The following COLGALT2 variants were observed in gnomAD, a reference collection of about 807,000 sequenced individuals.
COLGALT2 encodes the protein collagen beta(1-O)galactosyltransferase 2, also known as procollagen galactosyltransferase 2.
In COLGALT2, 49 loss-of-function variants were observed where a neutral mutation model predicts 73.4. The ratio of observed to expected loss-of-function variants is 0.67; its 90% CI spans 0.53 to 0.85. The LOEUF (loss-of-function observed/expected upper bound fraction) is 0.85, where lower values mean the gene tolerates loss of function less well. Ranked by LOEUF, COLGALT2 falls within the 40% of genes least tolerant of loss-of-function variation. The pLI is 0.00. For missense variants in COLGALT2, 722 were observed against 790.2 expected (o/e 0.91, Z 1.03); for synonymous variants, 295 against 307.6 (o/e 0.96, Z 0.43).
chr1:183,970,772 C>A (rs1350603151), intron 4 of COLGALT2, among the ~76,000 whole-genome samples: 1 of 152,176 alleles, frequency 6.6e-6, no homozygotes, highest in Non-Finnish European at 1.5e-5. Context: ...GGTCTATGAA[C>A]CTATTTTGGG....
chr1:183,977,427 C>T (rs555504553), intron 2 of COLGALT2, among the ~76,000 whole-genome samples: 81 of 147,740 alleles, frequency 5.5e-4, no homozygotes, highest in African/African-American at 2.0e-3. Flanking sequence ...GCCAAGATTG[C>T]ACCACTGCAC....
chr1:183,957,158 T>TAC (rs1466158566), intron 6 of COLGALT2, among the ~76,000 whole-genome samples: 1 of 152,104 alleles, frequency 6.6e-6, no homozygotes, highest in Non-Finnish European at 1.5e-5. Context: ...GTGAGTGATA[T>TAC]ATATATATGT....
At chr1:183,974,511 A>G (rs1671137429) in intron 3 of COLGALT2, among the ~76,000 whole-genome samples, 1 of 152,236 alleles carries the variant, frequency 6.6e-6, no homozygotes, top group Non-Finnish European at 1.5e-5. Context: ...CACAATGTTA[A>G]ATATTGTCAG....
At position 184,037,621 on chromosome 1, in the gene COLGALT2, C is replaced by T. The variant is rs1649738360; in HGVS notation, c.-264G>A. On this transcript the variant is annotated 5_prime_UTR_variant, in exon 1 of 12. Coordinates refer to ENST00000361927, the MANE Select transcript of COLGALT2 (RefSeq NM_015101.4). ...CTCCCCTGCGCCTCGGGCTCGCAGA[C>T]AGTAGTGGCCGAGGGGCTGTGTGCC... The T allele has an allele frequency of 1.9e-6, 2 of 1,063,260 alleles. No individual in the cohort carries two copies. Among genetic ancestry groups the T allele is most frequent in the Non-Finnish European group, 1.1e-6 (1 of 881,428 alleles). 65.9% of individuals were successfully genotyped at this position (1,063,260 alleles called of 1,614,324 possible).
At chr1:184,001,344 T>C (rs1230306053) in intron 1 of COLGALT2, among the ~76,000 whole-genome samples, 1 of 152,324 alleles carries the variant, frequency 6.6e-6, no homozygotes, top group South Asian at 2.1e-4. Flanking sequence ...TTGAGATTCA[T>C]TGGAATCTGG....
intron 10 of COLGALT2, among the ~76,000 whole-genome samples, chr1:183,943,585 A>C (rs1159633652): frequency 1.3e-5 from 2 of 152,158 alleles, no homozygotes; most frequent in Non-Finnish European, 2.9e-5. Flanking sequence ...AGAGTAGACA[A>C]AGAACATTAA....
At chr1:183,990,275 T>C (rs1413260635) in intron 1 of COLGALT2, among the ~76,000 whole-genome samples, 1 of 152,214 alleles carries the variant, frequency 6.6e-6, no homozygotes, top group Non-Finnish European at 1.5e-5. Context: ...TCACACATAG[T>C]ATGTGCTCAA....
chr1:184,037,255 A>T lies in COLGALT2; in HGVS notation c.103T>A (p.Ser35Thr). The T allele has an allele frequency of 6.3e-7, 1 of 1,574,972 alleles. No homozygotes were observed. Among genetic ancestry groups the T allele is most frequent in the Non-Finnish European group, 8.6e-7 (1 of 1,162,456 alleles). ...CRARFVAERD[S>T]EDDGEEPVVF... is the part of the protein sequence containing the mutation. ...ACCGGCTCCTCTCCGTCGTCCTCCG[A>T]GTCCCGCTCGGCGACGAAGCGCGCT... is the stretch of plus-strand genomic sequence containing the variant. The change falls in exon 1 of 12, where the codon TCG becomes ACG. Residue 35 changes from serine to threonine, a missense_variant. Transcript: ENST00000361927.
intron 1 of COLGALT2, among the ~76,000 whole-genome samples, chr1:183,996,263 C>T (rs903219821): frequency 5.3e-5 from 8 of 152,194 alleles, no homozygotes; most frequent in African/African-American, 1.9e-4. Context: ...CCTGTGATCC[C>T]TTCAGGCTAA....
At chr1:183,972,231 G>A (rs371693687) in intron 4 of COLGALT2, among the ~76,000 whole-genome samples, 23 of 152,166 alleles carry the variant, frequency 1.5e-4, no homozygotes, top group African/African-American at 5.1e-4. Context: ...TCAGCCTCCC[G>A]AATAGATGGA....
rs374323531 is a variant in COLGALT2 at position 183,940,206 on chromosome 1, C to T, written c.1604+375G>A. Among the ~76,000 whole-genome samples, 13 of 152,322 alleles carry T rather than the reference C, an allele frequency of 8.5e-5. No individual in the cohort carries two copies. In the East Asian group the frequency reaches 1.7e-3, roughly 20 times the overall value. ...AAAATGGGTATCTCTGCTTAGCCAA[C>T]AGTACCCAATGACCTGAGCCAAAGG... On this transcript the variant is annotated intron_variant, in intron 11 of 11. Coordinates refer to ENST00000361927, the MANE Select transcript of COLGALT2 (RefSeq NM_015101.4).
intron 6 of COLGALT2, 109 bp from the exon 7 acceptor site, chr1:183,954,947 G>A (rs1212784291): frequency 2.0e-5 from 16 of 820,000 alleles, no homozygotes; most frequent in East Asian, 7.9e-5. Flanking sequence ...TGGAAATACA[G>A]GGCAGGGGAC....
At chr1:183,958,857 T>A (rs985066437) in intron 6 of COLGALT2, among the ~76,000 whole-genome samples, 6 of 151,710 alleles carry the variant, frequency 4.0e-5, no homozygotes, top group Non-Finnish European at 8.8e-5. Context: ...TATATTTCTA[T>A]TTTTTTAAAA....
chr1:183,973,405 T>A (rs879734824), intron 4 of COLGALT2, among the ~76,000 whole-genome samples: 32 of 152,270 alleles, frequency 2.1e-4, no homozygotes, highest in Admixed American at 2.0e-3. Context: ...CTTTAGACTA[T>A]TTTTTTCATA....
rs753095995 is a variant in COLGALT2, at chr1:184,037,203, C to A, written c.155G>T (p.Ser52Ile). 3.1e-6 allele frequency: 5 copies of A among 1,604,532 alleles called. No homozygotes were observed. The highest frequency in any genetic ancestry group is 4.2e-6 in the Non-Finnish European group (5 of 1,177,028). ...PVVFPESPLQ[S>I]PTVLVAVLAR... ...GAGGACCGCCACGAGCACCGTGGGG[C>A]TCTGCAGGGGCGACTCCGGGAAAAC... Residue 52 changes from serine to isoleucine, a missense_variant, in exon 1 of 12, where the codon AGC becomes ATC. Physicochemically the swap from Ser to Ile is moderately radical, Grantham distance 142. Transcript: ENST00000361927.
chr1:183,959,318 C>T (rs1402616808), intron 6 of COLGALT2, among the ~76,000 whole-genome samples: 3 of 152,170 alleles, frequency 2.0e-5, no homozygotes, highest in African/African-American at 7.2e-5. Context: ...AGTTTCTTCC[C>T]TGAACTCCAG....
Position 183,944,314 on chromosome 1 carries a change from G to C in COLGALT2, c.1279C>G (p.Arg427Gly), listed in dbSNP as rs767171170. ...HYSVWKEVID[R>G]ELEKTLVIED... ...ATTACAAGAGTCTTCTCTAGCTCTC[G>C]ATCAATTACCTGCAAAAGTCATCAG... The change falls in exon 10 of 12, where the codon CGA becomes GGA. Residue 427 changes from arginine to glycine, a missense_variant. Physicochemically the swap from Arg to Gly is moderately radical, Grantham distance 125. Coordinates refer to ENST00000361927, the MANE Select transcript of COLGALT2 (RefSeq NM_015101.4). 1.2e-5 allele frequency: 19 copies of C among 1,611,908 alleles called. No homozygotes were observed. In the East Asian group the frequency reaches 4.2e-4, roughly 36 times the overall value.
intron 1 of COLGALT2, among the ~76,000 whole-genome samples, chr1:184,000,044 A>G (rs1373810242): frequency 6.7e-6 from 1 of 149,046 alleles, no homozygotes; most frequent in Admixed American, 6.6e-5. Context: ...AAGGCCTTCT[A>G]AATTTCCATT....
At chr1:183,981,948 G>A (rs998572193) in intron 1 of COLGALT2, among the ~76,000 whole-genome samples, 97 of 152,186 alleles carry the variant, frequency 6.4e-4, no homozygotes, top group Non-Finnish European at 1.2e-3. Flanking sequence ...ATGGGACATA[G>A]AGGTATGTAA....
Sources: gnomAD v4.1 joint callset for allele counts (sites outside exome capture counted in the v4.1 genomes callset) on GRCh38, gnomAD v4.1.1 for gene constraint, MANE v1.5 for transcripts, NCBI Gene and HGNC (gene_info 2026-07-23, HGNC 2026-07-21) for gene names.